The following SPEG variants were observed in gnomAD, a reference collection of about 807,000 sequenced individuals.
SPEG encodes the protein striated muscle preferentially expressed protein kinase.
In SPEG, 114 loss-of-function variants were observed where a neutral mutation model predicts 300.4. The ratio of observed to expected loss-of-function variants is 0.38; its 90% CI spans 0.33 to 0.44. The LOEUF (loss-of-function observed/expected upper bound fraction) is 0.44, where lower values mean the gene tolerates loss of function less well. Ranked by LOEUF, SPEG falls within the 20% of genes least tolerant of loss-of-function variation. The pLI is 1.00. For missense variants in SPEG, 4,201 were observed against 4,586.2 expected, an observed-to-expected ratio of 0.92 and a Z score of 2.43; for synonymous variants, 1,964 against 2,018.9, an observed-to-expected ratio of 0.97 and a Z score of 0.73.
Position 219,477,569 on chromosome 2 carries a change from C to A in SPEG, c.4730-120C>A. The A allele has an allele frequency of 7.4e-7, 1 of 1,353,732 alleles. No homozygotes were observed. The highest frequency in any genetic ancestry group is 1.0e-6 in the Non-Finnish European group (1 of 997,932). The allele number at this position is 1,353,732 out of a possible 1,614,324, so 83.9% of individuals were successfully genotyped here. ...CCACCACACCCCCAGCCCAGCACCC[C>A]GCCTTGAGCCCCCAACATTCTTGCA... On this transcript the variant is annotated intron_variant, in intron 20 of 40. Coordinates refer to ENST00000312358, the MANE Select transcript of SPEG (RefSeq NM_005876.5). The surrounding 1 kb of genome is among the most constrained non-coding windows in gnomAD (Gnocchi z 6.4).
At chr2:219,441,644 A>G (rs1688922150) in intron 1 of SPEG, 1 of 465,646 alleles carries the variant, frequency 2.1e-6, no homozygotes, top group African/African-American at 2.0e-5. Flanking sequence ...GGCCTGAGCT[A>G]GAGGCCATTG....
Position 219,476,908 on chromosome 2 carries a change from G to A in SPEG, c.4486G>A (p.Val1496Met), listed in dbSNP as rs1335696919. 1.2e-6 allele frequency: 2 copies of A among 1,613,872 alleles called. No individual in the cohort carries two copies. Among genetic ancestry groups the A allele is most frequent in the Admixed American group, 1.7e-5 (1 of 59,988 alleles). Reference sequence around the variant, plus strand: ...TGAGTCCATCATGGAGGACGTGGAGGTGGGGGCTGGGGAAACTGCTCGCTT... The same window carrying A: ...TGAGTCCATCATGGAGGACGTGGAGATGGGGGCTGGGGAAACTGCTCGCTT... ...RFESIMEDVE[V>M]GAGETARFAV... The change falls in exon 19 of 41, where the codon GTG becomes ATG. Residue 1496 changes from valine (V) to methionine (M), a missense_variant. This residue lies in a region of SPEG where 1,047 missense variants were observed against 1,356.8 expected (regional missense o/e 0.77). Coordinates refer to ENST00000312358, the MANE Select transcript of SPEG (RefSeq NM_005876.5).
rs567948454 is a variant in SPEG, at chr2:219,442,988, T to TCA, written c.389-1655_389-1654dup. Reference sequence around the variant, plus strand: ...TCTGGGTCTCTGCCCACCTCCCCTCTCACACACACACTGGCCAGGGAATGA... The same window carrying TCA: ...TCTGGGTCTCTGCCCACCTCCCCTCTCACACACACACACTGGCCAGGGAATGA... On this transcript the variant is annotated intron_variant, in intron 1 of 40. Coordinates refer to ENST00000312358, the MANE Select transcript of SPEG (RefSeq NM_005876.5). 392 of 795,642 alleles carry TCA rather than the reference T, an allele frequency of 4.9e-4. 3 individuals are homozygous for TCA. The South Asian group carries it at 6.1e-3, about 12-fold the overall frequency. The allele number at this position is 795,642 out of a possible 1,614,324, so 49.3% of individuals were successfully genotyped here. A position where few individuals can be genotyped will look rare whatever the true frequency, so the allele number is the denominator to read the frequency against.
At chr2:219,472,819 C>T in intron 15 of SPEG, 71 bp from the exon 16 acceptor site, 2 of 1,337,342 alleles carry the variant, frequency 1.5e-6, no homozygotes, top group Non-Finnish European at 2.1e-6. Flanking sequence ...GTTCCAGGGT[C>T]CCGGGCCAGC....
intron 1 of SPEG, chr2:219,441,720 T>G: frequency 5.2e-6 from 2 of 385,512 alleles, no homozygotes; most frequent in Non-Finnish European, 1.0e-5. Context: ...AGGGTGGGGG[T>G]CCGTGGCTCT....
chr2:219,458,597 C>A lies in SPEG; in HGVS notation c.2441-3285C>A, dbSNP rs1023542468. 6.6e-6 allele frequency among the ~76,000 whole-genome samples: 1 copy of A among 152,074 alleles called. No homozygotes were observed. Among genetic ancestry groups the A allele is most frequent in the Non-Finnish European group, 1.5e-5 (1 of 68,022 alleles). ...AGAGATTGTGCCCAAGATGGGAGACCAGGTCATGCCAGGGGAAGCACATGG... is the reference window on the plus strand; with the variant it reads ...AGAGATTGTGCCCAAGATGGGAGACAAGGTCATGCCAGGGGAAGCACATGG... On this transcript the variant is annotated intron_variant, in intron 6 of 40. Coordinates refer to ENST00000312358, the MANE Select transcript of SPEG (RefSeq NM_005876.5). This position sits in a 1 kb window ranked among gnomAD's most constrained non-coding sequence, Gnocchi z 4.2.
At position 219,479,279 on chromosome 2, in the gene SPEG, C is replaced by A; in HGVS notation, c.5085+78C>A. The A allele has an allele frequency of 8.0e-7, 1 of 1,251,010 alleles. No homozygotes were observed. 77.5% of individuals were successfully genotyped at this position (1,251,010 alleles called of 1,614,324 possible). ...GAGCTTTGAGAACCAACAAATGGGT[C>A]CTGAGTGTGCCATCTGTGCCCACAG... On this transcript the variant is annotated intron_variant, in intron 23 of 40. Coordinates refer to ENST00000312358, the MANE Select transcript of SPEG (RefSeq NM_005876.5). The surrounding 1 kb of genome is among the most constrained non-coding windows in gnomAD (Gnocchi z 5.5).
chr2:219,481,358 C>T lies in SPEG; in HGVS notation c.5424C>T (p.Asn1808=), dbSNP rs745897142. 4 of 1,614,144 alleles carry T rather than the reference C, an allele frequency of 2.5e-6. No individual in the cohort carries two copies. The highest frequency in any genetic ancestry group is 3.4e-6 in the Non-Finnish European group (4 of 1,180,024). The change falls in exon 27 of 41, where the codon AAC becomes AAT. Residue 1808 remains asparagine, a synonymous_variant. Coordinates refer to ENST00000312358, the MANE Select transcript of SPEG (RefSeq NM_005876.5). This position sits in a 1 kb window ranked among gnomAD's most constrained non-coding sequence, Gnocchi z 5.4. ...AAAATGACCGGACAACATTGATGAA[C>T]ATCCGAAACTACAACGTGGCCTTCG... The part of the protein sequence containing the change: ...VGENDRTTLM[N]IRNYNVAFEE...
Position 219,484,142 on chromosome 2 carries a change from A to C in SPEG, c.6679A>C (p.Lys2227Gln). ...CAGGCCAGAACCAGTCCGAGCCTCC[A>C]AGCCTGCACCACCCCCCCAGGCCCT... ...EPRPEPVRAS[K>Q]PAPPPQALQT... Residue 2227 changes from lysine to glutamine, a missense_variant, in exon 30 of 41, where the codon AAG (lysine) becomes CAG (glutamine). Physicochemically the swap from Lys to Gln is moderately conservative, Grantham distance 53 (BLOSUM62 1). Around this residue, in one of 4 missense-constraint regions of SPEG, gnomAD observed 1,578 missense variants for 1,506.0 expected, o/e 1.05. Coordinates refer to ENST00000312358, the MANE Select transcript of SPEG (RefSeq NM_005876.5). The C allele has an allele frequency of 6.2e-7, 1 of 1,613,456 alleles. No individual in the cohort carries two copies. Among genetic ancestry groups the C allele is most frequent in the Non-Finnish European group, 8.5e-7 (1 of 1,179,922 alleles).
chr2:219,459,652 T>G lies in SPEG; in HGVS notation c.2441-2230T>G, dbSNP rs1469650734. The stretch of plus-strand genomic sequence containing the variant: ...CAGCTCTGCTTCCGTTCCCAGTCCC[T>G]GGGCCCGTGAGCCTCCTCAGTACTG... On this transcript the variant is annotated intron_variant, in intron 6 of 40. Coordinates refer to ENST00000312358, the MANE Select transcript of SPEG (RefSeq NM_005876.5). The surrounding 1 kb of genome is among the most constrained non-coding windows in gnomAD (Gnocchi z 4.9). 6.6e-6 allele frequency among the ~76,000 whole-genome samples: 1 copy of G among 152,194 alleles called. No individual in the cohort carries two copies. The highest frequency in any genetic ancestry group is 1.5e-5 in the Non-Finnish European group (1 of 68,028).
chr2:219,471,843 A>C, intron 13 of SPEG, 25 bp from the exon 14 acceptor site: 1 of 1,613,480 alleles, frequency 6.2e-7, no homozygotes, highest in Non-Finnish European at 8.5e-7. Context: ...GCTCAGGCCC[A>C]GTGTCACTGT....
intron 1 of SPEG, chr2:219,441,982 C>A: frequency 2.5e-6 from 1 of 395,428 alleles, no homozygotes; most frequent in Non-Finnish European, 4.1e-6. Flanking sequence ...CCCGGCCCCG[C>A]CTCCGACTCC....
Position 219,479,649 on chromosome 2 carries a change from C to CAA in SPEG, c.5086-132_5086-131dup. On this transcript the variant is annotated intron_variant, in intron 23 of 40. Transcript: ENST00000312358. This position sits in a 1 kb window ranked among gnomAD's most constrained non-coding sequence, Gnocchi z 5.5. ...TGGTAGCCTTGGATCTTTGCAACCC[C>CAA]AAACCTGTTTCAGCCCCTTCCACGA... The CAA allele has an allele frequency of 1.3e-6, 1 of 779,654 alleles. No individual in the cohort carries two copies. Among genetic ancestry groups the CAA allele is most frequent in the Non-Finnish European group, 2.2e-6 (1 of 453,734 alleles). The allele number at this position is 779,654 out of a possible 1,614,324, so 48.3% of individuals were successfully genotyped here. A position where few individuals can be genotyped will look rare whatever the true frequency, so the allele number is the denominator to read the frequency against.
At chr2:219,471,241 G>A (rs747378691) in intron 13 of SPEG, among the ~76,000 whole-genome samples, 4 of 152,158 alleles carry the variant, frequency 2.6e-5, no homozygotes, top group Non-Finnish European at 4.4e-5. Context: ...TAAGAGGAGA[G>A]CATTCCCCAA....
At chr2:219,490,045 G>A (rs1174030705) in intron 36 of SPEG, 106 bp downstream of exon 36, 3 of 1,329,436 alleles carry the variant, frequency 2.3e-6, no homozygotes, top group South Asian at 3.0e-5. Flanking sequence ...GGTGGGGGGA[G>A]GTGCTGAGAC....
rs1372080116 is a variant in SPEG at position 219,484,294 on chromosome 2, T to G, written c.6831T>G (p.Ala2277=). Reference sequence around the variant, plus strand: ...CTTCAGAGCCCAAGCCCCACGCTGCTGTCTTTGCCAGGGTGGCCTCCCCAC... The same window carrying G: ...CTTCAGAGCCCAAGCCCCACGCTGCGGTCTTTGCCAGGGTGGCCTCCCCAC... ...APPSEPKPHA[A]VFARVASPPP... is the part of the protein sequence containing the mutation. Residue 2277 remains alanine (A), a synonymous_variant, in exon 30 of 41, where the codon GCT becomes GCG. Coordinates refer to ENST00000312358, the MANE Select transcript of SPEG (RefSeq NM_005876.5). 1.2e-6 allele frequency: 2 copies of G among 1,607,068 alleles called. No homozygotes were observed. The highest frequency in any genetic ancestry group is 1.7e-4 in the Middle Eastern group (1 of 6,060).
intron 9 of SPEG, chr2:219,466,380 G>C: frequency 7.3e-7 from 1 of 1,373,306 alleles, no homozygotes; most frequent in Non-Finnish European, 9.4e-7. Context: ...AGCACCGGGC[G>C]AGTGCATGTG....
At chr2:219,487,914 T>C (rs1693592897) in intron 31 of SPEG, among the ~76,000 whole-genome samples, 1 of 152,226 alleles carries the variant, frequency 6.6e-6, no homozygotes, top group Non-Finnish European at 1.5e-5. Flanking sequence ...CAGGCCCTGC[T>C]CTAAGTGATT....
rs369913466 is a variant in SPEG at position 219,468,708 on chromosome 2, G to A, written c.3273G>A (p.Pro1091=). ...TCGACTGCAAGATCAGTGGCACCCC[G>A]CCCCCTGTTGTTACCTGGACTCATT... ...ARFDCKISGT[P]PPVVTWTHFG... The change falls in exon 11 of 41, where the codon CCG becomes CCA. Residue 1091 remains proline (P), a synonymous_variant. Transcript: ENST00000312358. 8.1e-6 allele frequency: 13 copies of A among 1,613,960 alleles called. No individual in the cohort carries two copies. The highest frequency in any genetic ancestry group is 4.0e-5 in the African/African-American group (3 of 74,928).
Sources: gnomAD v4.1 joint callset for allele counts (sites outside exome capture counted in the v4.1 genomes callset) on GRCh38, gnomAD v4.1.1 for gene constraint, gnomAD v4.1.1 regional missense constraint, Gnocchi (gnomAD v3.1) non-coding constraint, MANE v1.5 for transcripts, NCBI Gene and HGNC (gene_info 2026-07-23, HGNC 2026-07-21) for gene names.